The following FYB2 variants were observed in gnomAD, a reference collection of about 807,000 sequenced individuals.
FYB2 encodes FYN binding protein 2.
FYB2 carries 103 observed loss-of-function variants against 94.1 expected under a neutral mutation model. That is an observed-to-expected ratio of 1.09 (90% CI 0.93 to 1.29). The LOEUF (loss-of-function observed/expected upper bound fraction) is 1.29. Ranked by LOEUF, FYB2 falls within the 50% of genes most tolerant of loss-of-function variation. The probability of loss-of-function intolerance (pLI) is 0.00; values close to 1 mark genes in which losing one functional copy is unlikely to be tolerated. For missense variants in FYB2, 896 were observed against 841.5 expected (o/e 1.06, Z -0.80); for synonymous variants, 293 against 287.9 (o/e 1.02, Z -0.18).
intron 9 of FYB2, among the ~76,000 whole-genome samples, chr1:56,746,516 TA>T (rs1226606577): frequency 2.0e-5 from 3 of 152,044 alleles, no homozygotes; most frequent in Non-Finnish European, 2.9e-5. Flanking sequence ...ATACCAGCGG[TA>T]CTTATTTTTG....
intron 9 of FYB2, among the ~76,000 whole-genome samples, chr1:56,749,739 G>A (rs1645151415): frequency 6.6e-6 from 1 of 151,896 alleles, no homozygotes; most frequent in Non-Finnish European, 1.5e-5. Context: ...TTGTTAACAT[G>A]TAAAGAATAT....
chr1:56,760,089 A>C, intron 5 of FYB2, among the ~76,000 whole-genome samples: 1 of 151,910 alleles, frequency 6.6e-6, no homozygotes, highest in African/African-American at 2.4e-5. Context: ...AAAAAAAAAA[A>C]AAAAAGGAAA....
chr1:56,739,890 T>A (rs1644912466), intron 13 of FYB2, among the ~76,000 whole-genome samples: 2 of 152,102 alleles, frequency 1.3e-5, no homozygotes, highest in South Asian at 2.1e-4. Context: ...ACTTTTAACT[T>A]AACATATTTT....
chr1:56,779,075 A>C (rs1645949882), intron 4 of FYB2, among the ~76,000 whole-genome samples: 1 of 152,146 alleles, frequency 6.6e-6, no homozygotes, highest in African/African-American at 2.4e-5. Flanking sequence ...AGGCCAGTCC[A>C]TGGGTGGAAG....
chr1:56,760,608 A>G (rs937006131), intron 5 of FYB2, among the ~76,000 whole-genome samples: 19 of 151,840 alleles, frequency 1.3e-4, no homozygotes, highest in Non-Finnish European at 2.4e-4. Flanking sequence ...CCTCCTTTCT[A>G]CTCCAATTTA....
intron 4 of FYB2, among the ~76,000 whole-genome samples, chr1:56,786,575 G>A (rs1014632020): frequency 6.6e-5 from 10 of 152,136 alleles, no homozygotes; most frequent in African/African-American, 2.4e-4. Flanking sequence ...GGCACATCTG[G>A]GTTGGAATCA....
chr1:56,755,677 T>C (rs535786167), intron 7 of FYB2, among the ~76,000 whole-genome samples: 2 of 152,100 alleles, frequency 1.3e-5, no homozygotes, highest in East Asian at 1.9e-4. Context: ...ACTCAGTAAA[T>C]GTTTGCTGAG....
chr1:56,809,589 A>C (rs1430903207), intron 1 of FYB2, among the ~76,000 whole-genome samples: 1 of 151,928 alleles, frequency 6.6e-6, no homozygotes. Context: ...TACTTGACTC[A>C]ACCCAGCTGC....
Position 56,792,632 on chromosome 1 carries a change from G to A in FYB2, c.181C>T (p.Gln61Ter). The change falls in exon 2 of 20, where the codon CAG (glutamine) becomes TAG (stop). Residue 61 changes from glutamine to a stop codon, truncating the protein, a stop_gained. Transcript: ENST00000343433. LOFTEE classifies it high-confidence loss of function. ...CTACTGGAACAGTATGGTGTGCGCT[G>A]CTTGTGGTTGGATGAGAGGGGTTTC... ...NGKPLSSNHK[Q>*]RTPYCSSSES... 2 of 1,614,088 alleles carry A rather than the reference G, an allele frequency of 1.2e-6. No individual in the cohort carries two copies. Among genetic ancestry groups the A allele is most frequent in the Non-Finnish European group, 1.7e-6 (2 of 1,180,008 alleles).
intron 1 of FYB2, among the ~76,000 whole-genome samples, chr1:56,800,159 G>C (rs1037499195): frequency 1.3e-5 from 2 of 152,152 alleles, no homozygotes; most frequent in Non-Finnish European, 2.9e-5. Context: ...CCAAGGCAAA[G>C]AGAAGGCAGC....
chr1:56,805,523 G>A (rs1035846489), intron 1 of FYB2, among the ~76,000 whole-genome samples: 3 of 152,272 alleles, frequency 2.0e-5, no homozygotes, highest in East Asian at 3.9e-4. Flanking sequence ...GATGACAAAA[G>A]TCAGGATCAG....
chr1:56,762,471 A>C (rs958913599), intron 5 of FYB2, among the ~76,000 whole-genome samples: 1 of 152,198 alleles, frequency 6.6e-6, no homozygotes, highest in Non-Finnish European at 1.5e-5. Flanking sequence ...ATATAAACAC[A>C]TATCTATTTT....
chr1:56,735,810 C>T (rs546993166), intron 15 of FYB2, among the ~76,000 whole-genome samples: 58 of 152,188 alleles, frequency 3.8e-4, no homozygotes, highest in African/African-American at 1.3e-3. Flanking sequence ...CGCGGAACTG[C>T]GAGTCAATTA....
At chr1:56,801,400 A>C (rs1234496089) in intron 1 of FYB2, among the ~76,000 whole-genome samples, 2 of 151,702 alleles carry the variant, frequency 1.3e-5, no homozygotes, top group Non-Finnish European at 2.9e-5. Context: ...ATTCCTGATC[A>C]CTCCCTTTTA....
At chr1:56,809,571 A>G (rs959432101) in intron 1 of FYB2, among the ~76,000 whole-genome samples, 3 of 152,096 alleles carry the variant, frequency 2.0e-5, no homozygotes, top group African/African-American at 7.2e-5. Context: ...TCTGAAAAAT[A>G]TTTGTTTTAC....
intron 4 of FYB2, among the ~76,000 whole-genome samples, chr1:56,769,929 G>T (rs1645715725): frequency 6.6e-6 from 1 of 152,050 alleles, no homozygotes; most frequent in Admixed American, 6.5e-5. Flanking sequence ...ACAAGCCAAA[G>T]ATCCAAGGTA....
chr1:56,806,649 G>A (rs980387665), intron 1 of FYB2, among the ~76,000 whole-genome samples: 1 of 152,160 alleles, frequency 6.6e-6, no homozygotes, highest in Admixed American at 6.5e-5. Flanking sequence ...TCAAGGCACA[G>A]GCCTATAGAG....
intron 1 of FYB2, among the ~76,000 whole-genome samples, chr1:56,817,691 C>T (rs1392196747): frequency 6.6e-6 from 1 of 151,872 alleles, no homozygotes; most frequent in Non-Finnish European, 1.5e-5. Flanking sequence ...ATCCTTCTTT[C>T]AAGATGAGAA....
chr1:56,792,779 G>T lies in FYB2; in HGVS notation c.34C>A (p.Leu12Ile). 6.2e-7 allele frequency: 1 copy of T among 1,612,482 alleles called. No individual in the cohort carries two copies. Among genetic ancestry groups the T allele is most frequent in the East Asian group, 2.2e-5 (1 of 44,846 alleles). Residue 12 changes from leucine to isoleucine, a missense_variant, in exon 2 of 20, where the codon CTT (leucine) becomes ATT (isoleucine). Leu to Ile is a conservative substitution (Grantham distance 5). Coordinates refer to ENST00000343433, the MANE Select transcript of FYB2 (RefSeq NM_001004303.5). ...EGEGVRNFKE[L>I]RAKFQNLDAP... ...TCAAGATTTTGAAATTTGGCTCGAA[G>T]TTCCTTGAAGTTTCTTACCCCTTCC...
Sources: gnomAD v4.1 joint callset for allele counts (sites outside exome capture counted in the v4.1 genomes callset) on GRCh38, gnomAD v4.1.1 for gene constraint, MANE v1.5 for transcripts, NCBI Gene and HGNC (gene_info 2026-07-23, HGNC 2026-07-21) for gene names.